TRPM3: variants seen among roughly 807,000 people sequenced by gnomAD.
The protein encoded by TRPM3 is transient receptor potential cation channel subfamily M member 3, also known as long transient receptor potential channel 3.
In TRPM3, 77 loss-of-function variants were observed where a neutral mutation model predicts 181.2. The ratio of observed to expected loss-of-function variants is 0.42; its 90% CI spans 0.35 to 0.51. The LOEUF is 0.51. TRPM3 is among the 20% of genes least tolerant of loss of function. The probability of loss-of-function intolerance (pLI) is 0.01; values close to 1 mark genes in which losing one functional copy is unlikely to be tolerated. For missense variants in TRPM3, 1,759 were observed against 2,196.7 expected (o/e 0.80, Z 3.98); for synonymous variants, 745 against 796.4 (o/e 0.94, Z 1.09).
chr9:70,745,731 T>C (rs932466999), intron 8 of TRPM3, among the ~76,000 whole-genome samples: 3 of 152,214 alleles, frequency 2.0e-5, no homozygotes, highest in Non-Finnish European at 4.4e-5. Context: ...TTGTCATTGG[T>C]GTTAAACAGG....
intron 1 of TRPM3, among the ~76,000 whole-genome samples, chr9:70,889,289 G>A (rs1254198763): frequency 1.3e-5 from 2 of 152,138 alleles, no homozygotes; most frequent in African/African-American, 4.8e-5. Context: ...TCCCACCAAG[G>A]GGAAGACCAG....
intron 1 of TRPM3, among the ~76,000 whole-genome samples, chr9:71,073,074 C>A (rs968963463): frequency 6.6e-6 from 1 of 152,130 alleles, no homozygotes; most frequent in Admixed American, 6.6e-5. Flanking sequence ...GTTCATTCCC[C>A]TTTGTTCAGT....
In TRPM3 at chr9:70,625,453, T is replaced by A; in HGVS notation, c.1668+29A>T. ...AATAATGAAAAAAGAAACATATGAA[T>A]GTATTATTATGCTGGTTAATTAATT... On this transcript the variant is annotated intron_variant, in intron 13 of 25. Transcript: ENST00000677713. This position sits in a 1 kb window ranked among gnomAD's most constrained non-coding sequence, Gnocchi z 4.8. 3.1e-6 allele frequency: 5 copies of A among 1,600,012 alleles called. No homozygotes were observed. The highest frequency in any genetic ancestry group is 4.3e-6 in the Non-Finnish European group (5 of 1,174,498).
At chr9:70,917,706 G>T (rs1197840231) in intron 1 of TRPM3, among the ~76,000 whole-genome samples, 1 of 151,576 alleles carries the variant, frequency 6.6e-6, no homozygotes, top group East Asian at 1.9e-4. Flanking sequence ...TTTATTAAGA[G>T]GAAAACAGGA....
intron 1 of TRPM3, among the ~76,000 whole-genome samples, chr9:71,423,857 A>T (rs2093819315): frequency 6.6e-6 from 1 of 152,086 alleles, no homozygotes; most frequent in Non-Finnish European, 1.5e-5. Context: ...AGACAACACC[A>T]GAGTAATCCA....
chr9:71,361,437 G>A (rs2092139998), intron 1 of TRPM3, among the ~76,000 whole-genome samples: 1 of 152,190 alleles, frequency 6.6e-6, no homozygotes, highest in Admixed American at 6.5e-5. Flanking sequence ...CTAGAATAAT[G>A]TATCCACACA....
At chr9:71,124,396 G>A (rs1331668789), upstream of TRPM3, among the ~76,000 whole-genome samples, 1 of 151,598 alleles carries the variant, frequency 6.6e-6, no homozygotes, top group Non-Finnish European at 1.5e-5. Flanking sequence ...TCTTATGAAT[G>A]TAGATGTCTA....
intron 1 of TRPM3, among the ~76,000 whole-genome samples, chr9:71,394,736 G>T (rs1310564409): frequency 6.6e-6 from 1 of 152,076 alleles, no homozygotes; most frequent in Non-Finnish European, 1.5e-5. Flanking sequence ...ACAAAACTCA[G>T]ATTTAGGAAT....
At chr9:71,121,110 G>A (rs2073561069) in intron 1 of TRPM3, 68 bp downstream of exon 1, 2 of 1,513,172 alleles carry the variant, frequency 1.3e-6, no homozygotes, top group South Asian at 1.2e-5. Context: ...CCCAGCCCAA[G>A]TCCCCAAGTT....
chr9:70,683,475 A>ATTTTTTTTT (rs2066005267), intron 8 of TRPM3, among the ~76,000 whole-genome samples: 1 of 61,602 alleles, frequency 1.6e-5, no homozygotes, highest in Non-Finnish European at 2.9e-5. Flanking sequence ...ATGGGGTTTC[A>ATTTTTTTTT]TTATGTTGCC....
chr9:71,428,255 CTTT>C (rs567636846), intron 1 of TRPM3, among the ~76,000 whole-genome samples: 6 of 128,312 alleles, frequency 4.7e-5, no homozygotes, highest in Admixed American at 7.9e-5. Flanking sequence ...CCATGCCCGG[CTTT>C]TTTTTTTTTT....
intron 1 of TRPM3, among the ~76,000 whole-genome samples, chr9:70,959,132 AC>A (rs1376110501): frequency 6.6e-6 from 1 of 151,926 alleles, no homozygotes; most frequent in African/African-American, 2.4e-5. Context: ...GTGCACATGT[AC>A]CCTAAAACTT....
chr9:70,878,001 A>G (rs7039748), intron 1 of TRPM3, among the ~76,000 whole-genome samples: 1 of 152,012 alleles, frequency 6.6e-6, no homozygotes, highest in East Asian at 1.9e-4. Flanking sequence ...TACTTTTTTG[A>G]ATGCCACATG....
At chr9:70,553,434 A>T (rs2046914035) in intron 22 of TRPM3, 124 bp from the exon 23 acceptor site, 1 of 1,260,264 alleles carries the variant, frequency 7.9e-7, no homozygotes, top group Admixed American at 2.8e-5. Context: ...AACAGAAAAA[A>T]GTTCCAAACA....
intron 7 of TRPM3, 58 bp downstream of exon 7, chr9:70,784,047 T>C (rs963514316): frequency 3.2e-6 from 5 of 1,565,404 alleles, no homozygotes; most frequent in Non-Finnish European, 4.3e-6. Context: ...AATCCACTCA[T>C]ACCCTCGTTT....
At chr9:71,382,342 C>A (rs1407487488) in intron 1 of TRPM3, among the ~76,000 whole-genome samples, 1 of 152,016 alleles carries the variant, frequency 6.6e-6, no homozygotes, top group African/African-American at 2.4e-5. Flanking sequence ...ATTTTCCATG[C>A]GTCATTTCAT....
At chr9:71,398,387 T>C (rs1276463253) in intron 1 of TRPM3, among the ~76,000 whole-genome samples, 1 of 152,196 alleles carries the variant, frequency 6.6e-6, no homozygotes, top group Non-Finnish European at 1.5e-5. Context: ...TTTGAATCTA[T>C]AAATCACTGA....
chr9:70,819,307 CATAGAT>C (rs2092968596), intron 6 of TRPM3, among the ~76,000 whole-genome samples: 1 of 152,138 alleles, frequency 6.6e-6, no homozygotes, highest in Admixed American at 6.5e-5. Flanking sequence ...GGCACATAAT[CATAGAT>C]ATATAGGTGT....
intron 1 of TRPM3, among the ~76,000 whole-genome samples, chr9:71,094,097 G>C (rs1161881908): frequency 6.7e-6 from 1 of 148,904 alleles, no homozygotes; most frequent in South Asian, 2.2e-4. Context: ...GGGTGGGGGT[G>C]GGGGGCAAGG....
Sources: gnomAD v4.1 joint callset for allele counts (sites outside exome capture counted in the v4.1 genomes callset) on GRCh38, gnomAD v4.1.1 for gene constraint, Gnocchi (gnomAD v3.1) non-coding constraint, MANE v1.5 for transcripts, NCBI Gene and HGNC (gene_info 2026-07-23, HGNC 2026-07-21) for gene names.